The following DSCAML1 variants were observed in gnomAD, a reference collection of about 807,000 sequenced individuals.
DSCAML1 encodes cell adhesion molecule DSCAML1.
A neutral mutation model predicts 200.5 loss-of-function variants in DSCAML1; 38 were observed. That is an observed-to-expected ratio of 0.19 (90% confidence interval 0.15 to 0.25). The LOEUF (loss-of-function observed/expected upper bound fraction) is 0.25, where lower values mean the gene tolerates loss of function less well. Among genes scored for constraint, DSCAML1 ranks in the 10% least tolerant of loss-of-function variants. The pLI, the probability that DSCAML1 is intolerant of heterozygous loss-of-function variation, is 1.00. For synonymous variants in DSCAML1, 1,215 were observed against 1,165.0 expected (o/e 1.04, Z -0.87); for missense variants, 2,223 against 2,858.8 (o/e 0.78, Z 5.07).
At chr11:117,716,273 G>A (rs973010194) in intron 3 of DSCAML1, among the ~76,000 whole-genome samples, 25 of 152,194 alleles carry the variant, frequency 1.6e-4, no homozygotes, top group African/African-American at 3.4e-4. Context: ...GGTCCCAGCC[G>A]TGTTGTTAAC....
intron 3 of DSCAML1, among the ~76,000 whole-genome samples, chr11:117,743,003 T>TCATCCATC (rs60601984): frequency 0.028 from 4,150 of 150,904 alleles, 80 homozygotes; most frequent in East Asian, 0.035. Context: ...CACTCCACTT[T>TCATCCATC]CATCCATCCA....
chr11:117,577,387 TCCTC>T (rs142164370), intron 3 of DSCAML1, among the ~76,000 whole-genome samples: 40,197 of 138,310 alleles, frequency 0.29, 6,645 homozygotes, highest in Middle Eastern at 0.4. Flanking sequence ...TTTCCTTCCT[TCCTC>T]CCTCCCTCCC....
chr11:117,494,334 C>T lies in DSCAML1; in HGVS notation c.2359+9511G>A, dbSNP rs529581278. Among the ~76,000 whole-genome samples the T allele has an allele frequency of 6.6e-5, 10 of 152,344 alleles. No individual in the cohort carries two copies. The South Asian group carries it at 1.4e-3, about 22-fold the overall frequency. ...GCCACAGACAACACAACATACAGAA[C>T]GGGTGTGGCTGGCTTCCAGTTACAT... On this transcript the variant is annotated intron_variant, in intron 11 of 32. Coordinates refer to ENST00000651296, the MANE Select transcript of DSCAML1 (RefSeq NM_020693.4).
intron 3 of DSCAML1, among the ~76,000 whole-genome samples, chr11:117,717,660 C>A (rs986149373): frequency 6.6e-6 from 1 of 152,170 alleles, no homozygotes; most frequent in African/African-American, 2.4e-5. Context: ...AGTAATGACG[C>A]CCTGGTGAGC....
intron 3 of DSCAML1, among the ~76,000 whole-genome samples, chr11:117,609,043 AC>A (rs772892505): frequency 0.12 from 17,663 of 141,920 alleles, 1,161 homozygotes; most frequent in South Asian, 0.2. Context: ...AACAAAAAAA[AC>A]AAAAATTGTC....
At chr11:117,577,606 G>A (rs1266881624) in intron 3 of DSCAML1, among the ~76,000 whole-genome samples, 1 of 137,272 alleles carries the variant, frequency 7.3e-6, no homozygotes, top group Non-Finnish European at 1.5e-5. Flanking sequence ...TCGCTCTGTC[G>A]CCCAGGCTGG....
In DSCAML1 at chr11:117,443,916, C is replaced by T. The variant is rs1402599991; in HGVS notation, c.3832G>A (p.Glu1278Lys). The T allele has an allele frequency of 3.7e-6, 6 of 1,610,998 alleles. No individual in the cohort carries two copies. The highest frequency in any genetic ancestry group is 5.1e-6 in the Non-Finnish European group (6 of 1,178,844). ...CCAGCAGGCTCGATGGTCACCTTCT[C>T]GCTGCTGTTGCCCCGGCCGGCAGAG... The part of the protein sequence containing the change: ...VTSAGRGNSS[E>K]KVTIEPAGKA... Residue 1278 changes from glutamate (E) to lysine (K), a missense_variant, in exon 21 of 33, where the codon GAG (glutamate) becomes AAG (lysine). Coordinates refer to ENST00000651296, the MANE Select transcript of DSCAML1 (RefSeq NM_020693.4).
At chr11:117,519,742 C>G (rs2049851036) in intron 6 of DSCAML1, among the ~76,000 whole-genome samples, 1 of 152,232 alleles carries the variant, frequency 6.6e-6, no homozygotes, top group Non-Finnish European at 1.5e-5. Context: ...ATTGCTTGAA[C>G]TCAGGAGTTT....
chr11:117,503,775 A>G lies in DSCAML1; in HGVS notation c.2359+70T>C, dbSNP rs2049440921. On this transcript the variant is annotated intron_variant, in intron 11 of 32. Transcript: ENST00000651296. This position sits in a 1 kb window ranked among gnomAD's most constrained non-coding sequence, Gnocchi z 5.2. ...AACGACGGAGACTAAGAGAGTAGGC[A>G]GGGAGAGTGCAGAGCCGGGGCTTGG... 2.7e-6 allele frequency: 4 copies of G among 1,500,212 alleles called. No homozygotes were observed. In the East Asian group the frequency reaches 9.3e-5, roughly 35 times the overall value. 92.9% of individuals were successfully genotyped at this position (1,500,212 alleles called of 1,614,324 possible).
In DSCAML1 at chr11:117,649,041, ATGTGTG is replaced by A. The variant is rs58257943; in HGVS notation, c.512-116525_512-116520del. 7.0e-3 allele frequency among the ~76,000 whole-genome samples: 963 copies of A among 137,896 alleles called. 8 individuals carry two copies. Among genetic ancestry groups the A allele is most frequent in the East Asian group, 0.043 (206 of 4,738 alleles). 90.5% of individuals were successfully genotyped at this position (137,896 alleles called of 152,430 possible). A position where few individuals can be genotyped will look rare whatever the true frequency, so the allele number is the denominator to read the frequency against. On this transcript the variant is annotated intron_variant, in intron 3 of 32. Coordinates refer to ENST00000651296, the MANE Select transcript of DSCAML1 (RefSeq NM_020693.4). ...TCTCGCTCTCTCTCTCTCCATATAT[ATGTGTG>A]TGTGTGTGTGTGTGTGTGTGTGTGT...
chr11:117,658,667 G>A (rs1043578570), intron 3 of DSCAML1, among the ~76,000 whole-genome samples: 6 of 152,220 alleles, frequency 3.9e-5, no homozygotes, highest in African/African-American at 1.2e-4. Flanking sequence ...TAACATCTCA[G>A]AAGAGTGTAA....
chr11:117,438,557 G>A (rs1051398277), intron 24 of DSCAML1, among the ~76,000 whole-genome samples: 2 of 150,364 alleles, frequency 1.3e-5, no homozygotes, highest in African/African-American at 4.9e-5. Flanking sequence ...CCTTGGTGAC[G>A]CAGACGCACG....
At chr11:117,494,500 G>C (rs901963224) in intron 11 of DSCAML1, among the ~76,000 whole-genome samples, 1 of 152,222 alleles carries the variant, frequency 6.6e-6, no homozygotes. Context: ...GCAGTTATAG[G>C]ATGCAGGGAG....
At chr11:117,799,003 G>A (rs899425359), upstream of DSCAML1, among the ~76,000 whole-genome samples, 1 of 152,168 alleles carries the variant, frequency 6.6e-6, no homozygotes, top group African/African-American at 2.4e-5. Flanking sequence ...TGCAGGGGGT[G>A]TTTGAGATGA....
At chr11:117,561,369 G>A (rs922972338) in intron 3 of DSCAML1, among the ~76,000 whole-genome samples, 3 of 152,214 alleles carry the variant, frequency 2.0e-5, no homozygotes, top group Admixed American at 1.3e-4. Flanking sequence ...TCCAAAATGA[G>A]AAGTTGTGCC....
chr11:117,768,276 C>T (rs2054934566), intron 3 of DSCAML1, among the ~76,000 whole-genome samples: 1 of 152,204 alleles, frequency 6.6e-6, no homozygotes, highest in Admixed American at 6.5e-5. Flanking sequence ...GAGATTAATA[C>T]TACATCCTAG....
At position 117,438,911 on chromosome 11, in the gene DSCAML1, C is replaced by A; in HGVS notation, c.4217G>T (p.Gly1406Val). 6.2e-7 allele frequency: 1 copy of A among 1,606,310 alleles called. No individual in the cohort carries two copies. Among genetic ancestry groups the A allele is most frequent in the Non-Finnish European group, 8.5e-7 (1 of 1,176,982 alleles). ...ASSITLTWIP[G>V]DNGGSSIRGF... is the part of the protein sequence containing the mutation. ...TCGGATGGAGCTGCCCCCATTGTCA[C>A]CTGGAATCCAGGTCAGGGTGATGGA... is the stretch of plus-strand genomic sequence containing the variant. Residue 1406 changes from glycine (G) to valine (V), a missense_variant, in exon 24 of 33, where the codon GGT becomes GTT. Gly to Val is a moderately radical substitution (Grantham distance 109, BLOSUM62 -3). This residue lies in a region of DSCAML1 where 614 missense variants were observed against 739.1 expected (regional missense o/e 0.83). Transcript: ENST00000651296.
chr11:117,780,302 A>AAG lies in DSCAML1; in HGVS notation c.364+189_364+190dup, dbSNP rs371473149. Among the ~76,000 whole-genome samples, 1 of 115,124 alleles carries AAG rather than the reference A, an allele frequency of 8.7e-6. No homozygotes were observed. Among genetic ancestry groups the AAG allele is most frequent in the Non-Finnish European group, 1.8e-5 (1 of 54,190 alleles). The allele number at this position is 115,124 out of a possible 152,430, so 75.5% of individuals were successfully genotyped here. On this transcript the variant is annotated intron_variant, in intron 2 of 32. Transcript: ENST00000651296. The surrounding 1 kb of genome is among the most constrained non-coding windows in gnomAD (Gnocchi z 4.8). ...AAAGAAAGAAAGAAAGAAAGAAAGA[A>AAG]AGAGAGAAAGGAGAAAGAAAGGTGT... is the stretch of plus-strand genomic sequence containing the variant.
chr11:117,667,906 G>T (rs2053012645), intron 3 of DSCAML1, among the ~76,000 whole-genome samples: 1 of 152,164 alleles, frequency 6.6e-6, no homozygotes, highest in African/African-American at 2.4e-5. Context: ...AAGAAGGGAG[G>T]GATATGGAAT....
Sources: gnomAD v4.1 joint callset for allele counts (sites outside exome capture counted in the v4.1 genomes callset) on GRCh38, gnomAD v4.1.1 for gene constraint, gnomAD v4.1.1 regional missense constraint, Gnocchi (gnomAD v3.1) non-coding constraint, MANE v1.5 for transcripts, NCBI Gene and HGNC (gene_info 2026-07-23, HGNC 2026-07-21) for gene names.